The following CADPS2 variants were observed in gnomAD, a reference collection of about 807,000 sequenced individuals.
The protein encoded by CADPS2 is calcium-dependent secretion activator 2.
Under a neutral mutation model 172.5 loss-of-function variants are expected in CADPS2, and 93 were observed. That is an observed-to-expected ratio of 0.54 (90% CI 0.46 to 0.64). CADPS2 has a LOEUF of 0.64. Among genes scored for constraint, CADPS2 ranks in the 30% least tolerant of loss-of-function variants. The pLI, the probability that CADPS2 is intolerant of heterozygous loss-of-function variation, is 0.00. For synonymous variants in CADPS2, 546 were observed against 555.2 expected, an observed-to-expected ratio of 0.98 and a Z score of 0.23; for missense variants, 1,420 against 1,565.9, an observed-to-expected ratio of 0.91 and a Z score of 1.57.
chr7:122,344,026 G>A (rs2037187744), intron 28 of CADPS2, among the ~76,000 whole-genome samples: 1 of 152,064 alleles, frequency 6.6e-6, no homozygotes, highest in African/African-American at 2.4e-5. Flanking sequence ...TTGTATGATA[G>A]CCTGAGTAAA....
chr7:122,536,344 C>T (rs1200274009), intron 8 of CADPS2, among the ~76,000 whole-genome samples: 5 of 151,802 alleles, frequency 3.3e-5, no homozygotes, highest in Non-Finnish European at 5.9e-5. Flanking sequence ...GGACACTTAA[C>T]GAGTAAGAGA....
chr7:122,471,510 T>A lies in CADPS2; in HGVS notation c.2051A>T (p.Tyr684Phe). ...ATGTCTGTGACAGCCTCTCACACCATAACGGGCACAGTACTCATCTAACAC... is the reference window on the plus strand; with the variant it reads ...ATGTCTGTGACAGCCTCTCACACCAAAACGGGCACAGTACTCATCTAACAC... The part of the protein sequence containing the change: ...VFVLDEYCAR[Y>F]GVRGCHRHLC... Residue 684 changes from tyrosine (Y) to phenylalanine (F), a missense_variant, in exon 14 of 30, where the codon TAT becomes TTT. Coordinates refer to ENST00000449022, the MANE Select transcript of CADPS2 (RefSeq NM_017954.11). The A allele has an allele frequency of 6.2e-7, 1 of 1,611,578 alleles. No individual in the cohort carries two copies. Among genetic ancestry groups the A allele is most frequent in the Non-Finnish European group, 8.5e-7 (1 of 1,178,800 alleles).
intron 25 of CADPS2, among the ~76,000 whole-genome samples, chr7:122,370,748 C>T (rs571994328): frequency 6.6e-6 from 1 of 152,184 alleles, no homozygotes; most frequent in African/African-American, 2.4e-5. Context: ...AAAAAGGGCT[C>T]TTCAAGTAGG....
chr7:122,350,444 T>C (rs1181624551), intron 27 of CADPS2, among the ~76,000 whole-genome samples: 2 of 152,206 alleles, frequency 1.3e-5, no homozygotes, highest in African/African-American at 4.8e-5. Flanking sequence ...TGAATAAAAA[T>C]CTCCTGAAAT....
chr7:122,578,459 C>A (rs2068341704), intron 7 of CADPS2, among the ~76,000 whole-genome samples: 1 of 152,110 alleles, frequency 6.6e-6, no homozygotes. Flanking sequence ...GAAGTCAGTT[C>A]ATGTAGATCA....
intron 18 of CADPS2, 79 bp from the exon 19 acceptor site, chr7:122,414,155 C>T: frequency 9.6e-7 from 1 of 1,045,584 alleles, no homozygotes; most frequent in Non-Finnish European, 1.3e-6. Context: ...TAAAAAAGGT[C>T]ATCATAATAG....
intron 8 of CADPS2, among the ~76,000 whole-genome samples, chr7:122,550,964 G>C (rs1003823627): frequency 6.6e-6 from 1 of 151,950 alleles, no homozygotes; most frequent in Non-Finnish European, 1.5e-5. Flanking sequence ...GCCCAGTTTG[G>C]TTTTAAAAGG....
rs543524634 is a variant in CADPS2, at chr7:122,393,675, C to A, written c.2747-93G>T. 21 of 1,307,746 alleles carry A rather than the reference C, an allele frequency of 1.6e-5. No individual in the cohort carries two copies. The South Asian group carries it at 1.9e-4, about 12-fold the overall frequency. The allele number at this position is 1,307,746 out of a possible 1,614,324, so 81.0% of individuals were successfully genotyped here. On this transcript the variant is annotated intron_variant, in intron 20 of 29. Transcript: ENST00000449022. ...AAAAAAACACGTTTTCTGAGAGAGT[C>A]TGACACAGAAGAACTGATAAAATGC...
chr7:122,866,188 C>A (rs1409112930), intron 1 of CADPS2, among the ~76,000 whole-genome samples: 1 of 152,100 alleles, frequency 6.6e-6, no homozygotes, highest in African/African-American at 2.4e-5. Flanking sequence ...GTTATAATCT[C>A]AAAATAGCAC....
At chr7:122,714,898 A>G (rs954934574) in intron 2 of CADPS2, among the ~76,000 whole-genome samples, 1 of 152,086 alleles carries the variant, frequency 6.6e-6, no homozygotes, top group African/African-American at 2.4e-5. Flanking sequence ...ACACTATCAG[A>G]ATCTCGTTTT....
At chr7:122,862,523 T>A (rs1297148051) in intron 1 of CADPS2, among the ~76,000 whole-genome samples, 1 of 152,104 alleles carries the variant, frequency 6.6e-6, no homozygotes, top group South Asian at 2.1e-4. Flanking sequence ...TGGCTATAGT[T>A]CCCACCCAGT....
chr7:122,532,794 G>A (rs529985089), intron 8 of CADPS2, among the ~76,000 whole-genome samples: 42 of 152,142 alleles, frequency 2.8e-4, no homozygotes, highest in South Asian at 8.3e-4. Flanking sequence ...CCGAGAGTAC[G>A]ATAAACAATT....
chr7:122,354,062 G>A (rs17144315), intron 27 of CADPS2, among the ~76,000 whole-genome samples: 20,965 of 151,816 alleles, frequency 0.14, 1,496 homozygotes, highest in Non-Finnish European at 0.15. Flanking sequence ...GCTTTCTATA[G>A]GAGGAAGTAA....
At chr7:122,482,847 C>A (rs893855735) in intron 11 of CADPS2, among the ~76,000 whole-genome samples, 1 of 152,094 alleles carries the variant, frequency 6.6e-6, no homozygotes, top group African/African-American at 2.4e-5. Flanking sequence ...CTCTCAAGAT[C>A]TACAGAAGGC....
At chr7:122,519,863 A>ATT (rs112530002) in intron 8 of CADPS2, among the ~76,000 whole-genome samples, 4,051 of 151,340 alleles carry the variant, frequency 0.027, 85 homozygotes, top group Non-Finnish European at 0.037. Context: ...TGCCTAATTG[A>ATT]TTTTTTTTTA....
At chr7:122,442,985 A>G (rs1273215765) in intron 15 of CADPS2, among the ~76,000 whole-genome samples, 1 of 152,222 alleles carries the variant, frequency 6.6e-6, no homozygotes, top group Non-Finnish European at 1.5e-5. Flanking sequence ...ATCATTTTGT[A>G]TATTATAAAC....
At chr7:122,767,472 A>G (rs1312603637) in intron 1 of CADPS2, among the ~76,000 whole-genome samples, 1 of 151,994 alleles carries the variant, frequency 6.6e-6, no homozygotes, top group Non-Finnish European at 1.5e-5. Flanking sequence ...TGCCAACCAT[A>G]GTGTTTTTCA....
intron 27 of CADPS2, among the ~76,000 whole-genome samples, chr7:122,352,701 C>T (rs1480713255): frequency 6.6e-6 from 1 of 152,004 alleles, no homozygotes; most frequent in East Asian, 1.9e-4. Context: ...TGTAAAGCTC[C>T]GAGTATTCAG....
intron 2 of CADPS2, among the ~76,000 whole-genome samples, chr7:122,710,826 T>C (rs1289448703): frequency 6.6e-6 from 1 of 152,124 alleles, no homozygotes; most frequent in African/African-American, 2.4e-5. Context: ...GAGGCATATA[T>C]GTCTGTCTAT....
Sources: gnomAD v4.1 joint callset for allele counts (sites outside exome capture counted in the v4.1 genomes callset) on GRCh38, gnomAD v4.1.1 for gene constraint, MANE v1.5 for transcripts, NCBI Gene and HGNC (gene_info 2026-07-23, HGNC 2026-07-21) for gene names.